Variants in ST3GAL3 observed in about 807,000 individuals in gnomAD.
ST3GAL3 encodes ST3 beta-galactoside alpha-2,3-sialyltransferase 3.
In ST3GAL3, 21 loss-of-function variants were observed where a neutral mutation model predicts 50.1. The ratio of observed to expected loss-of-function variants is 0.42; its 90% CI spans 0.30 to 0.60. The LOEUF (loss-of-function observed/expected upper bound fraction) is 0.60, where lower values mean the gene tolerates loss of function less well. Among genes scored for constraint, ST3GAL3 ranks in the 20% least tolerant of loss-of-function variants. ST3GAL3 has a pLI of 0.19. For synonymous variants in ST3GAL3, 183 were observed against 190.0 expected (o/e 0.96, Z 0.30); for missense variants, 353 against 489.4 (o/e 0.72, Z 2.63).
intron 1 of ST3GAL3, among the ~76,000 whole-genome samples, chr1:43,732,485 T>A (rs1363579133): frequency 6.6e-6 from 1 of 152,170 alleles, no homozygotes; most frequent in Non-Finnish European, 1.5e-5. Flanking sequence ...CCCTTTGAGG[T>A]TGAAGGGTAG....
intron 3 of ST3GAL3, among the ~76,000 whole-genome samples, chr1:43,804,136 A>G (rs1218564788): frequency 6.6e-6 from 1 of 152,200 alleles, no homozygotes; most frequent in African/African-American, 2.4e-5. Flanking sequence ...CCAGACTTTC[A>G]TGCCACTACC....
chr1:43,825,161 A>G (rs1446387827), intron 4 of ST3GAL3, among the ~76,000 whole-genome samples: 1 of 152,206 alleles, frequency 6.6e-6, no homozygotes, highest in Non-Finnish European at 1.5e-5. Context: ...CCATGAAGCA[A>G]CCTCAGGCCT....
At chr1:43,758,262 T>C (rs1156411631) in intron 2 of ST3GAL3, among the ~76,000 whole-genome samples, 2 of 150,942 alleles carry the variant, frequency 1.3e-5, no homozygotes, top group Admixed American at 6.6e-5. Flanking sequence ...TTAAAAACAA[T>C]TTTTTTAAGA....
intron 2 of ST3GAL3, among the ~76,000 whole-genome samples, chr1:43,785,137 A>T (rs1251283521): frequency 6.6e-6 from 1 of 152,122 alleles, no homozygotes; most frequent in Admixed American, 6.5e-5. Flanking sequence ...TCCCTCCAGG[A>T]TCTAAACAGT....
chr1:43,891,204 A>G (rs868647941), intron 5 of ST3GAL3, among the ~76,000 whole-genome samples: 3 of 152,354 alleles, frequency 2.0e-5, no homozygotes, highest in South Asian at 4.1e-4. Flanking sequence ...GATTACTAGG[A>G]TGTGTGCAGA....
chr1:43,707,752 G>A (rs112984125), intron 1 of ST3GAL3, 59 bp downstream of exon 1: 38,305 of 151,788 alleles, frequency 0.25, 5,122 homozygotes, highest in Non-Finnish European at 0.3. Flanking sequence ...AACGGTCGCC[G>A]CTCCGCCCCG....
intron 2 of ST3GAL3, among the ~76,000 whole-genome samples, chr1:43,783,351 C>T (rs893029753): frequency 2.6e-5 from 4 of 152,158 alleles, no homozygotes; most frequent in Non-Finnish European, 4.4e-5. Context: ...CCCAGGCTGG[C>T]TCCTTTCAGT....
chr1:43,899,874 A>T lies in ST3GAL3; in HGVS notation c.744+147A>T, dbSNP rs1462575439. The stretch of plus-strand genomic sequence containing the variant: ...CCAAAGCCGAAATCACCCAATGGCA[A>T]CCAGGGGGCAAAGAGGTCAGGAGAT... On this transcript the variant is annotated intron_variant, in intron 9 of 11. Transcript: ENST00000347631. The surrounding 1 kb of genome is among the most constrained non-coding windows in gnomAD (Gnocchi z 5.4). 2 of 848,826 alleles carry T rather than the reference A, an allele frequency of 2.4e-6. No homozygotes were observed. The highest frequency in any genetic ancestry group is 3.3e-5 in the African/African-American group (2 of 59,880). The allele number at this position is 848,826 out of a possible 1,614,324, so 52.6% of individuals were successfully genotyped here.
At position 43,791,846 on chromosome 1, in the gene ST3GAL3, G is replaced by A. The variant is rs943373108; in HGVS notation, c.119-256G>A. Reference sequence around the variant, plus strand: ...GTAAATTTGTCCCCTAATCTGGCAAGAAATGCCTCTAAAGAATTTGGGGCC... The same window carrying A: ...GTAAATTTGTCCCCTAATCTGGCAAAAAATGCCTCTAAAGAATTTGGGGCC... On this transcript the variant is annotated intron_variant, in intron 2 of 11. Transcript: ENST00000347631. Among the ~76,000 whole-genome samples the A allele has an allele frequency of 1.1e-4, 17 of 152,300 alleles. No homozygotes were observed. The South Asian group carries it at 1.4e-3, about 13-fold the overall frequency.
chr1:43,733,088 G>A (rs1223451579), intron 1 of ST3GAL3, among the ~76,000 whole-genome samples: 1 of 151,736 alleles, frequency 6.6e-6, no homozygotes, highest in Non-Finnish European at 1.5e-5. Context: ...GTCTTGAGGC[G>A]GGCTCAAGCA....
At chr1:43,837,472 A>G (rs867557958) in intron 4 of ST3GAL3, among the ~76,000 whole-genome samples, 1 of 152,218 alleles carries the variant, frequency 6.6e-6, no homozygotes, top group African/African-American at 2.4e-5. Flanking sequence ...AATGGTTCCC[A>G]CTGGATGGAT....
At chr1:43,857,105 C>T (rs1361997891) in intron 5 of ST3GAL3, among the ~76,000 whole-genome samples, 2 of 152,166 alleles carry the variant, frequency 1.3e-5, no homozygotes, top group East Asian at 1.9e-4. Flanking sequence ...CATTGTTTCT[C>T]CTACCCCAGG....
chr1:43,883,065 C>T (rs6680330), intron 5 of ST3GAL3, among the ~76,000 whole-genome samples: 138 of 152,122 alleles, frequency 9.1e-4, no homozygotes, highest in African/African-American at 3.2e-3. Context: ...CAGGCTCAAG[C>T]GGTCCTCCTG....
chr1:43,843,518 GT>G (rs1158670517), intron 5 of ST3GAL3, among the ~76,000 whole-genome samples: 1 of 152,006 alleles, frequency 6.6e-6, no homozygotes, highest in Non-Finnish European at 1.5e-5. Context: ...AAGGATTTTT[GT>G]GTCTTTGGTC....
rs1391400488 is a variant in ST3GAL3 at position 43,930,158 on chromosome 1, G to GA, written c.1068dup (p.Glu357ArgfsTer14). Reference sequence around the variant, plus strand: ...CCTGGACGCACAATATCCAGCGAGAGAAAGAGTTTCTGCGGAAGCTGGTGA... The same window carrying GA: ...CCTGGACGCACAATATCCAGCGAGAGAAAAGAGTTTCTGCGGAAGCTGGTGA... On this transcript the variant is annotated frameshift_variant, in exon 12 of 12. Coordinates refer to ENST00000347631, the MANE Select transcript of ST3GAL3 (RefSeq NM_006279.5). LOFTEE classifies it high-confidence loss of function. 6.2e-7 allele frequency: 1 copy of GA among 1,614,236 alleles called. No homozygotes were observed. The highest frequency in any genetic ancestry group is 8.5e-7 in the Non-Finnish European group (1 of 1,180,050).
At chr1:43,723,484 T>A (rs375216547) in intron 1 of ST3GAL3, among the ~76,000 whole-genome samples, 1 of 152,190 alleles carries the variant, frequency 6.6e-6, no homozygotes, top group East Asian at 1.9e-4. Context: ...GAAGCTCTCA[T>A]CAGAAGTGGA....
intron 4 of ST3GAL3, among the ~76,000 whole-genome samples, chr1:43,823,992 T>G (rs2062441486): frequency 6.6e-6 from 1 of 152,230 alleles, no homozygotes. Context: ...TTTTATCCTA[T>G]GTTTTAACTA....
chr1:43,711,769 T>G (rs981555012), intron 1 of ST3GAL3, among the ~76,000 whole-genome samples: 5 of 152,224 alleles, frequency 3.3e-5, no homozygotes, highest in Admixed American at 2.6e-4. Flanking sequence ...CTTACTATGT[T>G]ACAGCATTCT....
At chr1:43,786,196 C>T (rs2057316883) in intron 2 of ST3GAL3, among the ~76,000 whole-genome samples, 1 of 152,192 alleles carries the variant, frequency 6.6e-6, no homozygotes, top group African/African-American at 2.4e-5. Flanking sequence ...TTAGTTCCCA[C>T]ATAATGGCCC....
Sources: allele counts gnomAD v4.1 joint callset (sites outside exome capture counted in the v4.1 genomes callset), GRCh38; gene constraint gnomAD v4.1.1; non-coding constraint Gnocchi (gnomAD v3.1); transcripts MANE v1.5; gene names NCBI Gene and HGNC (gene_info 2026-07-23, HGNC 2026-07-21).